KHDRBS2: variants seen among roughly 807,000 people sequenced by gnomAD.
KHDRBS2 encodes the protein KH domain-containing, RNA-binding, signal transduction-associated protein 2.
KHDRBS2 carries 26 observed loss-of-function variants against 44.3 expected under a neutral mutation model. The observed-to-expected ratio is 0.59, with a 90% CI of 0.43 to 0.81. The LOEUF (loss-of-function observed/expected upper bound fraction) is 0.81, where lower values mean the gene tolerates loss of function less well. Among genes scored for constraint, KHDRBS2 ranks in the 40% least tolerant of loss-of-function variants. The pLI is 0.00. For missense variants in KHDRBS2, 476 were observed against 433.1 expected (o/e 1.10, Z -0.88); for synonymous variants, 194 against 151.1 (o/e 1.28, Z -2.08).
chr6:61,804,287 T>C (rs1303800696), intron 6 of KHDRBS2, among the ~76,000 whole-genome samples: 1 of 152,180 alleles, frequency 6.6e-6, no homozygotes, highest in African/African-American at 2.4e-5. Flanking sequence ...ATGTCTCACA[T>C]CCAGATCACG....
chr6:61,886,056 C>A (rs1439323450), intron 6 of KHDRBS2, among the ~76,000 whole-genome samples: 11 of 152,164 alleles, frequency 7.2e-5, no homozygotes, highest in Non-Finnish European at 1.5e-4. Context: ...AGGGCCACAT[C>A]TCAGTCAGTC....
chr6:61,870,440 G>C (rs1312642387), intron 6 of KHDRBS2, among the ~76,000 whole-genome samples: 4 of 152,170 alleles, frequency 2.6e-5, no homozygotes, highest in Non-Finnish European at 5.9e-5. Flanking sequence ...AGAGCACCTG[G>C]GGGAAGGAGC....
intron 3 of KHDRBS2, among the ~76,000 whole-genome samples, chr6:62,019,872 C>T (rs1361227017): frequency 2.0e-5 from 3 of 151,202 alleles, no homozygotes; most frequent in Non-Finnish European, 4.4e-5. Flanking sequence ...TTGATTTTCT[C>T]CAAGAACAAG....
intron 3 of KHDRBS2, among the ~76,000 whole-genome samples, chr6:61,983,477 C>T (rs1774403486): frequency 1.3e-5 from 2 of 151,790 alleles, no homozygotes; most frequent in Non-Finnish European, 2.9e-5. Flanking sequence ...AGATAAGTAA[C>T]AAAGGTCACT....
At chr6:62,284,927 A>G (rs991682740) in intron 1 of KHDRBS2, among the ~76,000 whole-genome samples, 4 of 152,166 alleles carry the variant, frequency 2.6e-5, no homozygotes, top group Non-Finnish European at 5.9e-5. Flanking sequence ...AAACTTAGCT[A>G]CAAAACTGCA....
chr6:62,140,884 T>C (rs754836695), intron 2 of KHDRBS2, among the ~76,000 whole-genome samples: 2 of 152,206 alleles, frequency 1.3e-5, no homozygotes, highest in African/African-American at 2.4e-5. Context: ...TTGTGTGCAA[T>C]GCAGCATGGA....
intron 7 of KHDRBS2, among the ~76,000 whole-genome samples, chr6:61,718,893 T>A (rs551827047): frequency 6.6e-6 from 1 of 152,178 alleles, no homozygotes; most frequent in African/African-American, 2.4e-5. Flanking sequence ...GGAGTCTAAT[T>A]CCCCGCCCCC....
At chr6:61,848,503 A>ATATATG (rs1794821756) in intron 6 of KHDRBS2, among the ~76,000 whole-genome samples, 1 of 59,112 alleles carries the variant, frequency 1.7e-5, no homozygotes, top group Non-Finnish European at 3.1e-5. Context: ...ATATATATAT[A>ATATATG]TATATATGTA....
chr6:62,095,129 T>C (rs777690396), intron 2 of KHDRBS2, among the ~76,000 whole-genome samples: 4 of 152,020 alleles, frequency 2.6e-5, no homozygotes, highest in South Asian at 2.1e-4. Context: ...GGAGATTGCA[T>C]TGAATCTGAA....
chr6:62,184,097 T>C lies in KHDRBS2; in HGVS notation c.92-6785A>G, dbSNP rs373838511. Among the ~76,000 whole-genome samples, 6 of 151,856 alleles carry C rather than the reference T, an allele frequency of 4.0e-5. No individual in the cohort carries two copies. In the East Asian group the frequency reaches 9.6e-4, roughly 24 times the overall value. On this transcript the variant is annotated intron_variant, in intron 1 of 8. Coordinates refer to ENST00000281156, the MANE Select transcript of KHDRBS2 (RefSeq NM_152688.4). ...CTTTTAATAATTAGTGTTAATAGAA[T>C]AGAATAATGCAACACAGAAGAATAA...
intron 2 of KHDRBS2, among the ~76,000 whole-genome samples, chr6:62,081,283 T>G (rs750410165): frequency 6.6e-6 from 1 of 152,164 alleles, no homozygotes; most frequent in Non-Finnish European, 1.5e-5. Context: ...TTCTTGGGGT[T>G]AAATGACTTC....
chr6:62,152,193 C>A (rs144995840), intron 2 of KHDRBS2, among the ~76,000 whole-genome samples: 1 of 152,126 alleles, frequency 6.6e-6, no homozygotes, highest in African/African-American at 2.4e-5. Context: ...GTGGTACATG[C>A]CTGTAATCCC....
At chr6:62,185,397 A>G (rs1461855533) in intron 1 of KHDRBS2, among the ~76,000 whole-genome samples, 1 of 151,944 alleles carries the variant, frequency 6.6e-6, no homozygotes, top group East Asian at 1.9e-4. Flanking sequence ...TAAGTCATGG[A>G]TCTCCCAGGC....
chr6:62,132,177 G>A (rs1022423669), intron 2 of KHDRBS2, among the ~76,000 whole-genome samples: 1 of 152,082 alleles, frequency 6.6e-6, no homozygotes, highest in Non-Finnish European at 1.5e-5. Flanking sequence ...ATAATTCTGA[G>A]ATTTTCATTG....
chr6:61,958,740 C>A (rs1767981728), intron 4 of KHDRBS2, among the ~76,000 whole-genome samples: 1 of 152,146 alleles, frequency 6.6e-6, no homozygotes, highest in African/African-American at 2.4e-5. Context: ...CACCTAATGT[C>A]TTATTTTTTG....
intron 6 of KHDRBS2, among the ~76,000 whole-genome samples, chr6:61,796,813 C>T (rs1785427648): frequency 6.6e-6 from 1 of 152,034 alleles, no homozygotes; most frequent in African/African-American, 2.4e-5. Flanking sequence ...TTGTATGCCA[C>T]AGCAATGGTT....
chr6:61,816,530 A>C (rs1788967246), intron 6 of KHDRBS2: 1 of 373,276 alleles, frequency 2.7e-6, no homozygotes, highest in Non-Finnish European at 5.4e-6. Context: ...TGTGTCTTAA[A>C]AGGAGCACGA....
chr6:62,044,715 G>T (rs1277402046), intron 3 of KHDRBS2, among the ~76,000 whole-genome samples: 7 of 151,960 alleles, frequency 4.6e-5, no homozygotes, highest in Non-Finnish European at 7.4e-5. Flanking sequence ...CCCTCATGTG[G>T]CTTCAGTTAT....
At chr6:61,751,941 C>G (rs1253531257) in intron 6 of KHDRBS2, among the ~76,000 whole-genome samples, 1 of 131,118 alleles carries the variant, frequency 7.6e-6, no homozygotes, top group South Asian at 2.3e-4. Flanking sequence ...GTACACACTT[C>G]TCTGTGTGTG....
Sources: allele counts gnomAD v4.1 joint callset (sites outside exome capture counted in the v4.1 genomes callset), GRCh38; gene constraint gnomAD v4.1.1; transcripts MANE v1.5; gene names NCBI Gene and HGNC (gene_info 2026-07-23, HGNC 2026-07-21).